The following ZNF836 variants were observed in gnomAD, a reference collection of about 807,000 sequenced individuals.
ZNF836 encodes the protein zinc finger protein 836.
Under a neutral mutation model 7.4 loss-of-function variants are expected in ZNF836, and 12 were observed. The observed-to-expected ratio is 1.61, with a 90% CI of 1.03 to 2.61. The LOEUF is 2.61. Ranked by LOEUF, ZNF836 falls within the 30% of genes most tolerant of loss-of-function variation. The pLI is 0.00. For missense variants in ZNF836, 998 were observed against 1,126.2 expected, an observed-to-expected ratio of 0.89 and a Z score of 1.63; for synonymous variants, 365 against 382.6, an observed-to-expected ratio of 0.95 and a Z score of 0.54.
intron 2 of ZNF836, 118 bp from the exon 3 acceptor site, chr19:52,168,270 A>G (rs2089282790): frequency 1.0e-5 from 6 of 598,156 alleles, no homozygotes; most frequent in South Asian, 7.1e-5. Context: ...CACCAGGGGG[A>G]TGCAAGGATA....
rs1212936322 is a variant in ZNF836 at position 52,156,611 on chromosome 19, ATG to A, written c.1070_1071del (p.Pro357LeufsTer4). 1 of 1,613,472 alleles carries A rather than the reference ATG, an allele frequency of 6.2e-7. No homozygotes were observed. Among genetic ancestry groups the A allele is most frequent in the Non-Finnish European group, 8.5e-7 (1 of 1,179,562 alleles). ...THQIIHTGEK[P>X]YQCDICGKVF... ...ACCTTGCCACATATATCACATTGAT[ATG>A]GTTTCTCTCCTGTATGGATTATCTG... On this transcript the variant is annotated frameshift_variant, in exon 5 of 5. Coordinates refer to ENST00000682614, the MANE Select transcript of ZNF836 (RefSeq NM_001102657.3). LOFTEE classifies it low-confidence loss of function (END_TRUNC).
chr19:52,160,186 TAAAA>T (rs35190507), intron 4 of ZNF836: 2,939 of 366,574 alleles, frequency 8.0e-3, no homozygotes, highest in South Asian at 0.027. Flanking sequence ...CTGTCTCCAT[TAAAA>T]AAAAAAAAAA....
rs1434997350 is a variant in ZNF836 at position 52,168,060 on chromosome 19, GT to G, written c.12del (p.Gln5ArgfsTer4). MAL[T>X]QGPLTFRDVA... is the part of the protein sequence containing the mutation. The stretch of plus-strand genomic sequence containing the variant: ...ATCCACTAAGAATATCATTTTACCT[GT>G]GTAAGAGCCATCCCTGACTCCTTTT... On this transcript the variant is annotated frameshift_variant, in exon 3 of 5. Transcript: ENST00000682614. LOFTEE classifies it high-confidence loss of function. The G allele has an allele frequency of 3.3e-5, 53 of 1,606,422 alleles. No individual in the cohort carries two copies. The highest frequency in any genetic ancestry group is 4.5e-5 in the Non-Finnish European group (53 of 1,173,628).
Position 52,162,784 on chromosome 19 carries a change from G to A in ZNF836, c.16-2193C>T, listed in dbSNP as rs116439348. 7.5e-3 allele frequency among the ~76,000 whole-genome samples: 1,144 copies of A among 152,286 alleles called. 13 individuals carry two copies. The highest frequency in any genetic ancestry group is 0.025 in the African/African-American group (1,051 of 41,564). ...AGTAGATAACTTCAAGGAGCCCGGCGCCAGGGAGTGACGGCCCTCAGCAAA... is the reference window on the plus strand; with the variant it reads ...AGTAGATAACTTCAAGGAGCCCGGCACCAGGGAGTGACGGCCCTCAGCAAA... On this transcript the variant is annotated intron_variant, in intron 3 of 4. Transcript: ENST00000682614.
intron 1 of ZNF836, among the ~76,000 whole-genome samples, chr19:52,170,070 T>C (rs993018019): frequency 3.3e-5 from 5 of 150,018 alleles, no homozygotes; most frequent in African/African-American, 1.3e-4. Context: ...AGTCACAAAT[T>C]AGAATATTAC....
At chr19:52,166,342 T>G (rs998864682) in intron 3 of ZNF836, among the ~76,000 whole-genome samples, 3 of 152,062 alleles carry the variant, frequency 2.0e-5, no homozygotes, top group Non-Finnish European at 4.4e-5. Context: ...CTGAAATGTT[T>G]CCTTGATGCC....
chr19:52,171,123 G>T (rs2089304389), intron 1 of ZNF836: 1 of 152,292 alleles, frequency 6.6e-6, no homozygotes. Flanking sequence ...AGGGGCTGAC[G>T]ACGGAGAAGC....
At position 52,155,176 on chromosome 19, in the gene ZNF836, C is replaced by A; in HGVS notation, c.2507G>T (p.Cys836Phe). Residue 836 changes from cysteine (C) to phenylalanine (F), a missense_variant, in exon 5 of 5, where the codon TGT becomes TTT. Physicochemically the swap from Cys to Phe is radical, Grantham distance 205. Coordinates refer to ENST00000682614, the MANE Select transcript of ZNF836 (RefSeq NM_001102657.3). ...KMHTGDKPYK[C>F]NECGKAFIER... The stretch of plus-strand genomic sequence containing the variant: ...AATAAAAGCTTTACCACATTCATTA[C>A]ATTTGTAAGGTTTGTCCCCAGTATG... 1 of 1,614,068 alleles carries A rather than the reference C, an allele frequency of 6.2e-7. No individual in the cohort carries two copies. Among genetic ancestry groups the A allele is most frequent in the African/African-American group, 1.3e-5 (1 of 75,014 alleles).
intron 3 of ZNF836, among the ~76,000 whole-genome samples, chr19:52,162,627 T>C (rs574947422): frequency 1.3e-5 from 2 of 152,318 alleles, no homozygotes; most frequent in Admixed American, 6.5e-5. Context: ...CCTGAGCTTT[T>C]TCAGCCCTCC....
At position 52,156,171 on chromosome 19, in the gene ZNF836, A is replaced by T. The variant is rs1245131554; in HGVS notation, c.1512T>A (p.Gly504=). The T allele has an allele frequency of 6.2e-7, 1 of 1,613,850 alleles. No homozygotes were observed. Among genetic ancestry groups the T allele is most frequent in the Admixed American group, 1.7e-5 (1 of 59,994 alleles). ...GTAATGAGCCCTGTTTAAAGGCTTT[A>T]CCACATTTATCACATTTGTAAGGTT... ...GEKPYKCDKC[G]KAFKQGSLLT... Residue 504 remains glycine (G), a synonymous_variant, in exon 5 of 5, where the codon GGT becomes GGA. Coordinates refer to ENST00000682614, the MANE Select transcript of ZNF836 (RefSeq NM_001102657.3).
chr19:52,166,448 C>T (rs1325349928), intron 3 of ZNF836, among the ~76,000 whole-genome samples: 2 of 151,874 alleles, frequency 1.3e-5, no homozygotes, highest in South Asian at 4.2e-4. Context: ...TATGGTTTAA[C>T]AAATTAACAT....
chr19:52,158,666 C>G (rs1164906325), intron 4 of ZNF836, among the ~76,000 whole-genome samples: 3 of 152,040 alleles, frequency 2.0e-5, no homozygotes, highest in Admixed American at 2.0e-4. Flanking sequence ...TTGCTTGAAC[C>G]CAGGAGGCAG....
rs1440425236 is a variant in ZNF836, at chr19:52,156,086, T to A, written c.1597A>T (p.Lys533Ter). The change falls in exon 5 of 5, where the codon AAG becomes TAG. Residue 533 changes from lysine (K) to a stop codon, truncating the protein, a stop_gained. Coordinates refer to ENST00000682614, the MANE Select transcript of ZNF836 (RefSeq NM_001102657.3). LOFTEE classifies it low-confidence loss of function (END_TRUNC). ...EKRYQCGECG[K>*]VFSENSCLVR... The stretch of plus-strand genomic sequence containing the variant: ...AGGCATGAATTTTCACTAAAGACCT[T>A]TCCACATTCACCGCATTGGTAACGT... 3 of 1,613,948 alleles carry A rather than the reference T, an allele frequency of 1.9e-6. No individual in the cohort carries two copies. Among genetic ancestry groups the A allele is most frequent in the Non-Finnish European group, 2.5e-6 (3 of 1,179,916 alleles).
At position 52,165,980 on chromosome 19, in the gene ZNF836, G is replaced by A. The variant is rs543266410; in HGVS notation, c.15+2078C>T. On this transcript the variant is annotated intron_variant, in intron 3 of 4. Coordinates refer to ENST00000682614, the MANE Select transcript of ZNF836 (RefSeq NM_001102657.3). ...ATTTTCAGAATATATATGCCTTAAT[G>A]TCCTTTTTTTATTTTTATTTTTATT... Among the ~76,000 whole-genome samples, 3 of 151,858 alleles carry A rather than the reference G, an allele frequency of 2.0e-5. No homozygotes were observed. The East Asian group carries it at 5.8e-4, about 29-fold the overall frequency.
chr19:52,162,289 C>A (rs902216245), intron 3 of ZNF836, among the ~76,000 whole-genome samples: 2 of 152,234 alleles, frequency 1.3e-5, no homozygotes, highest in African/African-American at 4.8e-5. Context: ...GTTGGCCCCA[C>A]CTCCACAGCT....
intron 3 of ZNF836, among the ~76,000 whole-genome samples, chr19:52,164,988 G>A (rs1159605693): frequency 6.6e-6 from 1 of 152,148 alleles, no homozygotes; most frequent in Non-Finnish European, 1.5e-5. Context: ...TGCTCAGGAA[G>A]CTGTGGCAGG....
chr19:52,157,026 C>A lies in ZNF836; in HGVS notation c.657G>T (p.Met219Ile), dbSNP rs1366245. The A allele has an allele frequency of 3.1e-6, 5 of 1,613,856 alleles. No individual in the cohort carries two copies. The African/African-American group carries it at 6.7e-5, about 22-fold the overall frequency. ...EKTHIREKPY[M>I]CKGCGKAFRV... ...TAAAGGCTTTGCCACACCCTTTACA[C>A]ATATAAGGTTTTTCCCTAATGTGTG... The change falls in exon 5 of 5, where the codon ATG becomes ATT. Residue 219 changes from methionine (M) to isoleucine (I), a missense_variant. Met to Ile is a conservative substitution (Grantham distance 10). Transcript: ENST00000682614.
rs756319321 is a variant in ZNF836, at chr19:52,157,134, A to G, written c.549T>C (p.Ile183=). The change falls in exon 5 of 5, where the codon ATT becomes ATC. Residue 183 remains isoleucine, a synonymous_variant. Transcript: ENST00000682614. ...NSSLVSPLQR[I]LPSVQTNISK... ...AAATGTTGGTTTGGACACTAGGAAG[A>G]ATTCTTTGAAGTGGTGAAACTAGGG... 7 of 1,613,418 alleles carry G rather than the reference A, an allele frequency of 4.3e-6. No individual in the cohort carries two copies. Among genetic ancestry groups the G allele is most frequent in the East Asian group, 2.2e-5 (1 of 44,860 alleles).
chr19:52,154,158 C>T lies in ZNF836; in HGVS notation c.*714G>A, dbSNP rs1771891158. The T allele has an allele frequency of 6.6e-6, 1 of 150,884 alleles. No individual in the cohort carries two copies. The highest frequency in any genetic ancestry group is 2.1e-4 in the South Asian group (1 of 4,772). 9.3% of individuals were successfully genotyped at this position (150,884 alleles called of 1,614,324 possible). A position where few individuals can be genotyped will look rare whatever the true frequency, so the allele number is the denominator to read the frequency against. On this transcript the variant is annotated 3_prime_UTR_variant, in exon 5 of 5. Transcript: ENST00000682614. ...CTCTGTCTCCTGGGTTCAAGTGATC[C>T]TCATGCTTCAGCCTCCTGAGTAGCT...
Sources: gnomAD v4.1 joint callset for allele counts (sites outside exome capture counted in the v4.1 genomes callset) on GRCh38, gnomAD v4.1.1 for gene constraint, MANE v1.5 for transcripts, NCBI Gene and HGNC (gene_info 2026-07-23, HGNC 2026-07-21) for gene names.